CACNA1I: variants seen among roughly 807,000 people sequenced by gnomAD.
CACNA1I encodes the protein voltage-dependent T-type calcium channel subunit alpha-1I.
CACNA1I carries 74 observed loss-of-function variants against 201.6 expected under a neutral mutation model. That is an observed-to-expected ratio of 0.37 (90% CI 0.30 to 0.45). CACNA1I has a LOEUF of 0.45. Ranked by LOEUF, CACNA1I falls within the 20% of genes least tolerant of loss-of-function variation. CACNA1I has a pLI of 1.00. For missense variants in CACNA1I, 2,346 were observed against 3,138.1 expected, an observed-to-expected ratio of 0.75 and a Z score of 6.03; for synonymous variants, 1,431 against 1,345.2, an observed-to-expected ratio of 1.06 and a Z score of -1.40.
intron 8 of CACNA1I, 96 bp from the exon 9 acceptor site, chr22:39,647,726 T>C (rs1934531394): frequency 6.8e-6 from 6 of 885,224 alleles, no homozygotes; most frequent in Non-Finnish European, 1.1e-5. Flanking sequence ...GTTTATGCTT[T>C]TAGGCTTGGA....
chr22:39,609,666 A>G (rs1372801927), intron 3 of CACNA1I, among the ~76,000 whole-genome samples: 1 of 152,232 alleles, frequency 6.6e-6, no homozygotes, highest in Non-Finnish European at 1.5e-5. Flanking sequence ...TCTGATGGAC[A>G]CCTGAGTGGC....
intron 34 of CACNA1I, among the ~76,000 whole-genome samples, chr22:39,681,706 A>G (rs1935712143): frequency 6.7e-6 from 1 of 150,336 alleles, no homozygotes; most frequent in Non-Finnish European, 1.5e-5. Flanking sequence ...CTCAAGGTCA[A>G]GGTGGTCCTG....
rs142459119 is a variant in CACNA1I, at chr22:39,672,752, G to A, written c.4650-197G>A. Among the ~76,000 whole-genome samples, 252 of 152,266 alleles carry A rather than the reference G, an allele frequency of 1.7e-3. 1 individual carries two copies. The highest frequency in any genetic ancestry group is 5.4e-3 in the African/African-American group (226 of 41,550). On this transcript the variant is annotated intron_variant, in intron 27 of 36. Coordinates refer to ENST00000402142, the MANE Select transcript of CACNA1I (RefSeq NM_021096.4). ...TAGCCTGATCAGCCCCTTGCTTGAC[G>A]GAGTGATGGCTATGGGGAGCAGAGA...
chr22:39,665,870 C>A lies in CACNA1I; in HGVS notation c.3979-11C>A. 1 of 1,613,796 alleles carries A rather than the reference C, an allele frequency of 6.2e-7. No individual in the cohort carries two copies. The highest frequency in any genetic ancestry group is 8.5e-7 in the Non-Finnish European group (1 of 1,179,846). ...ACCTGTGAGAGCACCAACCTCACCC[C>A]CTTTCCCCAGCTCTTCAAGGGCAAG... On this transcript the variant is annotated splice_polypyrimidine_tract_variant and intron_variant, in intron 22 of 36. Coordinates refer to ENST00000402142, the MANE Select transcript of CACNA1I (RefSeq NM_021096.4). This position sits in a 1 kb window ranked among gnomAD's most constrained non-coding sequence, Gnocchi z 5.5.
At chr22:39,650,038 A>G in intron 10 of CACNA1I, 113 bp downstream of exon 10, 1 of 1,173,676 alleles carries the variant, frequency 8.5e-7, no homozygotes, top group Middle Eastern at 2.2e-4. Flanking sequence ...CTGTCCACCT[A>G]GAAGTGCCGG....
chr22:39,668,784 G>A (rs552269912), intron 24 of CACNA1I, among the ~76,000 whole-genome samples: 13 of 152,250 alleles, frequency 8.5e-5, no homozygotes, highest in Non-Finnish European at 1.6e-4. Flanking sequence ...AAGTGAGAGA[G>A]GCATGAGGTG....
At chr22:39,650,789 G>A (rs746618534) in intron 10 of CACNA1I, among the ~76,000 whole-genome samples, 9 of 152,218 alleles carry the variant, frequency 5.9e-5, no homozygotes, top group African/African-American at 9.7e-5. Context: ...GCTGAACAGT[G>A]TGCTCCAGGC....
chr22:39,587,055 C>T (rs1346996959), intron 1 of CACNA1I, among the ~76,000 whole-genome samples: 1 of 152,210 alleles, frequency 6.6e-6, no homozygotes, highest in African/African-American at 2.4e-5. Flanking sequence ...ATCTCTTCGG[C>T]TGGAGCATCC....
intron 1 of CACNA1I, among the ~76,000 whole-genome samples, chr22:39,585,170 C>T (rs1932701083): frequency 6.6e-6 from 1 of 152,148 alleles, no homozygotes; most frequent in Non-Finnish European, 1.5e-5. Flanking sequence ...AGCGATTCTC[C>T]TGCCTCAGCC....
At chr22:39,674,636 C>T (rs575356386) in intron 29 of CACNA1I, among the ~76,000 whole-genome samples, 5 of 152,208 alleles carry the variant, frequency 3.3e-5, no homozygotes, top group East Asian at 1.9e-4. Context: ...TTTCATCCTC[C>T]CGAGAATTCT....
Position 39,649,366 on chromosome 22 carries a change from C to T in CACNA1I, c.1568-135C>T, listed in dbSNP as rs1255235907. On this transcript the variant is annotated intron_variant, in intron 9 of 36. Coordinates refer to ENST00000402142, the MANE Select transcript of CACNA1I (RefSeq NM_021096.4). The surrounding 1 kb of genome is among the most constrained non-coding windows in gnomAD (Gnocchi z 7.3). ...AGCCGCTTCCCCAGGCACCCCTGAC[C>T]GCCTTTCCAGGCTGGGTCGGCTGGT... The T allele has an allele frequency of 1.0e-5, 9 of 898,170 alleles. No individual in the cohort carries two copies. Among genetic ancestry groups the T allele is most frequent in the East Asian group, 2.9e-5 (1 of 34,412 alleles). 55.6% of individuals were successfully genotyped at this position (898,170 alleles called of 1,614,324 possible).
At chr22:39,681,118 G>A in intron 34 of CACNA1I, 66 bp downstream of exon 34, 2 of 1,528,308 alleles carry the variant, frequency 1.3e-6, no homozygotes, top group South Asian at 2.5e-5. Context: ...TGCCCACCCA[G>A]GCAGGACCCC....
At chr22:39,591,495 A>G (rs1932821357) in intron 1 of CACNA1I, among the ~76,000 whole-genome samples, 1 of 152,016 alleles carries the variant, frequency 6.6e-6, no homozygotes, top group Admixed American at 6.6e-5. Context: ...CTGTGGGCGA[A>G]GATTCAGTAT....
intron 10 of CACNA1I, among the ~76,000 whole-genome samples, chr22:39,650,765 G>A (rs903773588): frequency 4.6e-5 from 7 of 152,248 alleles, no homozygotes; most frequent in African/African-American, 1.2e-4. Context: ...GAGGACAGGA[G>A]GAGTGGGCGC....
rs758064604 is a variant in CACNA1I at position 39,685,743 on chromosome 22, G to A, written c.6028-18G>A. ...GGGGCCGACACAGGCGGCCTCCACG[G>A]CTCCCACCTCCCCCCAGGCCACCGG... On this transcript the variant is annotated intron_variant, in intron 36 of 36. Coordinates refer to ENST00000402142, the MANE Select transcript of CACNA1I (RefSeq NM_021096.4). This position sits in a 1 kb window ranked among gnomAD's most constrained non-coding sequence, Gnocchi z 5.0. The A allele has an allele frequency of 9.0e-5, 130 of 1,448,396 alleles. No homozygotes were observed. The South Asian group carries it at 1.3e-3, about 14-fold the overall frequency. The allele number at this position is 1,448,396 out of a possible 1,614,324, so 89.7% of individuals were successfully genotyped here.
chr22:39,623,812 G>C (rs1173878154), intron 4 of CACNA1I, among the ~76,000 whole-genome samples: 1 of 143,486 alleles, frequency 7.0e-6, no homozygotes, highest in African/African-American at 2.6e-5. Flanking sequence ...GGGTGTGTAC[G>C]TGTCAAGAGT....
At chr22:39,642,707 C>T in intron 6 of CACNA1I, 90 bp from the exon 7 acceptor site, 1 of 825,000 alleles carries the variant, frequency 1.2e-6, no homozygotes, top group Non-Finnish European at 2.0e-6. Flanking sequence ...CGTTCTGGCA[C>T]ACAGTGGGGC....
chr22:39,616,942 G>A (rs990611308), intron 3 of CACNA1I, among the ~76,000 whole-genome samples: 2 of 152,166 alleles, frequency 1.3e-5, no homozygotes, highest in African/African-American at 4.8e-5. Flanking sequence ...GGTGGAGCCT[G>A]GTGGCCGTGT....
chr22:39,618,985 C>T (rs1353043542), intron 3 of CACNA1I, among the ~76,000 whole-genome samples: 1 of 152,156 alleles, frequency 6.6e-6, no homozygotes, highest in African/African-American at 2.4e-5. Context: ...GAAGCTGGGG[C>T]TGACATGGGC....
Sources: gnomAD v4.1 joint callset for allele counts (sites outside exome capture counted in the v4.1 genomes callset) on GRCh38, gnomAD v4.1.1 for gene constraint, Gnocchi (gnomAD v3.1) non-coding constraint, MANE v1.5 for transcripts, NCBI Gene and HGNC (gene_info 2026-07-23, HGNC 2026-07-21) for gene names.